Variants in CCDC78 observed in about 807,000 individuals in gnomAD.
The protein encoded by CCDC78 is coiled-coil domain-containing protein 78.
CCDC78 carries 78 observed loss-of-function variants against 61.9 expected under a neutral mutation model. The observed-to-expected ratio is 1.26, with a 90% CI of 1.05 to 1.52. CCDC78 has a LOEUF of 1.52. CCDC78 is among the 40% of genes most tolerant of loss of function. CCDC78 has a pLI of 0.00. For missense variants in CCDC78, 737 were observed against 615.5 expected (o/e 1.20, Z -2.09); for synonymous variants, 287 against 251.9 (o/e 1.14, Z -1.32).
chr16:723,164 G>A lies in CCDC78; in HGVS notation c.1134-3C>T, dbSNP rs2040392941. The A allele has an allele frequency of 3.1e-6, 5 of 1,612,352 alleles. No homozygotes were observed. Among genetic ancestry groups the A allele is most frequent in the Non-Finnish European group, 3.4e-6 (4 of 1,179,948 alleles). ...CCCAGGATGCAGCGTCCAGGCCCCT[G>A]TGAGGGGAGAGGAAAGGAGGAGTGG... On this transcript the variant is annotated splice_polypyrimidine_tract_variant and splice_region_variant and intron_variant, in intron 11 of 13. Coordinates refer to ENST00000345165, the MANE Select transcript of CCDC78 (RefSeq NM_001378030.1).
chr16:724,565 C>A (rs760723287), intron 8 of CCDC78, 56 bp from the exon 9 acceptor site: 5 of 1,557,660 alleles, frequency 3.2e-6, no homozygotes, highest in Middle Eastern at 1.7e-4. Context: ...TTCCAACCAT[C>A]CCCCCACCCC....
At position 723,023 on chromosome 16, in the gene CCDC78, CTGGCA is replaced by C. The variant is rs774139482; in HGVS notation, c.1201-6_1201-2del. ...GTGCCCGCTCCCGTTCCAGCTCTGC[CTGGCA>C]TGGGGATGTAAGCCATGAGCTGGGG... On this transcript the variant is annotated splice_acceptor_variant and splice_polypyrimidine_tract_variant and intron_variant, in intron 12 of 13. Coordinates refer to ENST00000345165, the MANE Select transcript of CCDC78 (RefSeq NM_001378030.1). LOFTEE classifies it high-confidence loss of function. 6.2e-7 allele frequency: 1 copy of C among 1,612,608 alleles called. No individual in the cohort carries two copies. The highest frequency in any genetic ancestry group is 1.7e-5 in the Admixed American group (1 of 60,026).
At chr16:723,790 A>G in intron 11 of CCDC78, 67 bp downstream of exon 11, 3 of 1,464,934 alleles carry the variant, frequency 2.0e-6, no homozygotes, top group South Asian at 1.2e-5. Flanking sequence ...TGGGGGCCCC[A>G]GGGTGCAGGC....
chr16:725,295 T>C lies in CCDC78; in HGVS notation c.436-2A>G, dbSNP rs778608633. ...GTTCATGGTGTTCTTGGGCTGCACC[T>C]GAATGGAAGGGAGGGCAGGGAAAGC... On this transcript the variant is annotated splice_acceptor_variant, in intron 4 of 13. Coordinates refer to ENST00000345165, the MANE Select transcript of CCDC78 (RefSeq NM_001378030.1). LOFTEE classifies it high-confidence loss of function. 5 of 1,608,162 alleles carry C rather than the reference T, an allele frequency of 3.1e-6. No individual in the cohort carries two copies. The Admixed American group carries it at 5.0e-5, about 16-fold the overall frequency.
intron 11 of CCDC78, 71 bp downstream of exon 11, chr16:723,785 GC>G: frequency 7.0e-7 from 1 of 1,430,062 alleles, no homozygotes; most frequent in Non-Finnish European, 9.6e-7. Context: ...GCAACTGGGG[GC>G]CCCAGGGTGC....
At chr16:723,475 T>C (rs2040454000) in intron 11 of CCDC78, 2 of 680,146 alleles carry the variant, frequency 2.9e-6, no homozygotes, top group Non-Finnish European at 5.4e-6. Flanking sequence ...CCCCAGGAAA[T>C]GGTCCTTGGG....
At chr16:726,185 T>C in intron 1 of CCDC78, 100 bp from the exon 2 acceptor site, 2 of 1,550,308 alleles carry the variant, frequency 1.3e-6, no homozygotes, top group Non-Finnish European at 1.7e-6. Flanking sequence ...CTGGCTGAGC[T>C]GTAAAAGTCC....
At position 725,891 on chromosome 16, in the gene CCDC78, C is replaced by A; in HGVS notation, c.181-11G>T. ...CAGCTCCTTGGAGATCTGTGGGTGG[C>A]CAGGTGAGAGGTGGCGTCTGTGGGC... On this transcript the variant is annotated splice_polypyrimidine_tract_variant and intron_variant, in intron 2 of 13. Transcript: ENST00000345165. The A allele has an allele frequency of 1.2e-6, 2 of 1,606,384 alleles. No individual in the cohort carries two copies. Among genetic ancestry groups the A allele is most frequent in the South Asian group, 1.1e-5 (1 of 89,824 alleles).
intron 11 of CCDC78, chr16:723,643 C>T: frequency 1.4e-6 from 1 of 699,632 alleles, no homozygotes; most frequent in Non-Finnish European, 2.6e-6. Flanking sequence ...AGGCCAGCTC[C>T]ACCTGCAGCA....
chr16:726,095 T>G lies in CCDC78; in HGVS notation c.61-10A>C. 6.5e-7 allele frequency: 1 copy of G among 1,548,668 alleles called. No individual in the cohort carries two copies. Among genetic ancestry groups the G allele is most frequent in the East Asian group, 2.4e-5 (1 of 40,886 alleles). On this transcript the variant is annotated splice_polypyrimidine_tract_variant and intron_variant, in intron 1 of 13. Coordinates refer to ENST00000345165, the MANE Select transcript of CCDC78 (RefSeq NM_001378030.1). ...TGGCTCGTAGCACAACCTGGGGAGG[T>G]ACCGCCACCCATTCCCCAGGTGGGT... is the stretch of plus-strand genomic sequence containing the variant.
Position 722,789 on chromosome 16 carries a change from C to T in CCDC78, c.1302G>A (p.Arg434=). 6.2e-7 allele frequency: 1 copy of T among 1,612,658 alleles called. No individual in the cohort carries two copies. The highest frequency in any genetic ancestry group is 1.3e-5 in the African/African-American group (1 of 75,032). The change falls in exon 14 of 14, where the codon AGG becomes AGA. Residue 434 remains arginine, a splice_region_variant and synonymous_variant. Transcript: ENST00000345165. The part of the protein sequence containing the change: ...LQEYVDQHLG[R]YKHEILRLRK... ...TCAGCCTCAGGATTTCGTGCTTGTA[C>T]CTGCTCAGAGGAACCATGCTTAAGT...
upstream of CCDC78, chr16:726,619 T>G (rs1336152134): frequency 5.4e-6 from 3 of 554,600 alleles, no homozygotes; most frequent in East Asian, 9.7e-5. Flanking sequence ...ACATACCCTG[T>G]GCAGATGGAA....
chr16:723,986 C>T (rs2040554179), intron 10 of CCDC78, 50 bp from the exon 11 acceptor site: 1 of 1,596,866 alleles, frequency 6.3e-7, no homozygotes. Context: ...CAAGGCAAGC[C>T]CCTCAGAGGC....
At chr16:725,644 C>A (rs567808401) in intron 3 of CCDC78, 64 bp from the exon 4 acceptor site, 2 of 1,584,504 alleles carry the variant, frequency 1.3e-6, no homozygotes, top group South Asian at 1.1e-5. Flanking sequence ...GGTGAACATT[C>A]ACCCGGTGCA....
intron 3 of CCDC78, 61 bp downstream of exon 3, chr16:725,733 G>A (rs2040844284): frequency 3.2e-6 from 5 of 1,575,622 alleles, no homozygotes; most frequent in Non-Finnish European, 4.3e-6. Context: ...TGCAGGGCAC[G>A]TGTCCTGGGC....
chr16:723,599 C>T (rs1242198296), intron 11 of CCDC78: 2 of 690,404 alleles, frequency 2.9e-6, no homozygotes, highest in Admixed American at 2.0e-5. Context: ...CGGAAACCTC[C>T]CTCAGGTGTG....
Position 722,904 on chromosome 16 carries a change from C to T in CCDC78, c.1301+18G>A, listed in dbSNP as rs747634588. The T allele has an allele frequency of 6.2e-7, 1 of 1,611,804 alleles. No homozygotes were observed. The highest frequency in any genetic ancestry group is 8.5e-7 in the Non-Finnish European group (1 of 1,179,770). Reference sequence around the variant, plus strand: ...CCAGACCAGGGCCCTGGGGTCACACCCAGCTCCCTCTGCCCACCTGCCCAG... The same window carrying T: ...CCAGACCAGGGCCCTGGGGTCACACTCAGCTCCCTCTGCCCACCTGCCCAG... On this transcript the variant is annotated intron_variant, in intron 13 of 13. Transcript: ENST00000345165.
rs767325446 is a variant in CCDC78 at position 723,920 on chromosome 16, G to A, written c.1070C>T (p.Ala357Val). ...HREDQHGGPG[A>V]LLSSPKKRPG... Reference sequence around the variant, plus strand: ...TCTCTTTTTTGGGGATGAGAGCAGTGCCCCAGGCCCGCCGTGCTACAGAGG... The same window carrying A: ...TCTCTTTTTTGGGGATGAGAGCAGTACCCCAGGCCCGCCGTGCTACAGAGG... Residue 357 changes from alanine (A) to valine (V), a missense_variant, in exon 11 of 14, where the codon GCA becomes GTA. Transcript: ENST00000345165. 2.5e-6 allele frequency: 4 copies of A among 1,600,640 alleles called. No homozygotes were observed. Among genetic ancestry groups the A allele is most frequent in the African/African-American group, 2.7e-5 (2 of 74,758 alleles).
Position 722,813 on chromosome 16 carries a change from G to C in CCDC78, c.1302-24C>G, listed in dbSNP as rs755855095. ...ACCTGCTCAGAGGAACCATGCTTAAGTGACTTGCCCAGCTGTGGACAGGTC... is the reference window on the plus strand; with the variant it reads ...ACCTGCTCAGAGGAACCATGCTTAACTGACTTGCCCAGCTGTGGACAGGTC... On this transcript the variant is annotated intron_variant, in intron 13 of 13. Transcript: ENST00000345165. 4 of 1,612,084 alleles carry C rather than the reference G, an allele frequency of 2.5e-6. No individual in the cohort carries two copies. The Admixed American group carries it at 5.0e-5, about 20-fold the overall frequency.
Sources: gnomAD v4.1 joint callset for allele counts on GRCh38, gnomAD v4.1.1 for gene constraint, MANE v1.5 for transcripts, NCBI Gene and HGNC (gene_info 2026-07-23, HGNC 2026-07-21) for gene names.